L3MBTL4: variants seen among roughly 807,000 people sequenced by gnomAD.
L3MBTL4 encodes the protein L3MBTL histone methyl-lysine binding protein 4.
Under a neutral mutation model 84.5 loss-of-function variants are expected in L3MBTL4, and 70 were observed. That is an observed-to-expected ratio of 0.83 (90% confidence interval 0.68 to 1.01). L3MBTL4 has a LOEUF of 1.01. Among genes scored for constraint, L3MBTL4 ranks in the 50% least tolerant of loss-of-function variants. The pLI, the probability that L3MBTL4 is intolerant of heterozygous loss-of-function variation, is 0.00. For missense variants in L3MBTL4, 715 were observed against 754.8 expected (o/e 0.95, Z 0.62); for synonymous variants, 274 against 259.8 (o/e 1.05, Z -0.52).
chr18:6,237,832 C>G, intron 10 of L3MBTL4, 132 bp downstream of exon 10: 1 of 711,250 alleles, frequency 1.4e-6, no homozygotes, highest in South Asian at 1.7e-5. Flanking sequence ...TGGTGGTCAA[C>G]AGAATCTCAC....
chr18:6,002,732 C>G (rs1392219623), intron 16 of L3MBTL4, among the ~76,000 whole-genome samples: 1 of 151,674 alleles, frequency 6.6e-6, no homozygotes, highest in Non-Finnish European at 1.5e-5. Flanking sequence ...ATTGTCACAA[C>G]AAAAATTCAC....
chr18:6,281,074 G>C (rs1016119771), intron 4 of L3MBTL4, among the ~76,000 whole-genome samples: 5 of 152,152 alleles, frequency 3.3e-5, no homozygotes, highest in African/African-American at 1.2e-4. Context: ...AATAATCACT[G>C]CTGATATTTA....
intron 13 of L3MBTL4, among the ~76,000 whole-genome samples, chr18:6,163,660 C>T (rs1299917730): frequency 6.6e-6 from 1 of 152,092 alleles, no homozygotes; most frequent in African/African-American, 2.4e-5. Context: ...GCCAACAACA[C>T]ATGGAACTCA....
intron 16 of L3MBTL4, among the ~76,000 whole-genome samples, chr18:6,053,636 C>A (rs1037994028): frequency 3.3e-5 from 5 of 152,222 alleles, no homozygotes; most frequent in Non-Finnish European, 7.3e-5. Context: ...TTCAAAACAA[C>A]GAATGCAACT....
chr18:6,323,543 T>C (rs1205063096), intron 1 of L3MBTL4, among the ~76,000 whole-genome samples: 1 of 152,232 alleles, frequency 6.6e-6, no homozygotes, highest in Admixed American at 6.5e-5. Context: ...TGCTGCATTG[T>C]GACCTTGCCT....
intron 13 of L3MBTL4, among the ~76,000 whole-genome samples, chr18:6,163,582 T>C (rs2043475928): frequency 6.6e-6 from 1 of 152,180 alleles, no homozygotes; most frequent in African/African-American, 2.4e-5. Context: ...ACAAGTTGTC[T>C]TTCCCCCAAA....
intron 1 of L3MBTL4, among the ~76,000 whole-genome samples, chr18:6,382,480 G>A (rs1298008485): frequency 6.6e-6 from 1 of 152,116 alleles, no homozygotes; most frequent in Non-Finnish European, 1.5e-5. Flanking sequence ...TCTACCTTTG[G>A]TCTTTGATGT....
rs933275270 is a variant in L3MBTL4, at chr18:6,150,445, ACG to A, written c.1097-12151_1097-12150del. On this transcript the variant is annotated intron_variant, in intron 13 of 18. Coordinates refer to ENST00000317931, the MANE Select transcript of L3MBTL4 (RefSeq NM_001330559.2). ...AGAATACACACACACACACACACAC[ACG>A]CACATACACACACACAATTACACAA... 8.7e-4 allele frequency among the ~76,000 whole-genome samples: 132 copies of A among 152,044 alleles called. No individual in the cohort carries two copies. In the South Asian group the frequency reaches 0.013, roughly 15 times the overall value.
intron 1 of L3MBTL4, among the ~76,000 whole-genome samples, chr18:6,346,184 C>G (rs1351792707): frequency 1.4e-5 from 2 of 146,162 alleles, no homozygotes; most frequent in East Asian, 4.1e-4. Context: ...ACATAAAAAT[C>G]AATTCAAAAT....
intron 12 of L3MBTL4, among the ~76,000 whole-genome samples, chr18:6,185,231 C>G (rs2044666987): frequency 6.6e-6 from 1 of 152,160 alleles, no homozygotes; most frequent in African/African-American, 2.4e-5. Flanking sequence ...GAAGGCGGAG[C>G]CAGGGCCATA....
chr18:5,979,845 T>A (rs973266094), intron 16 of L3MBTL4, among the ~76,000 whole-genome samples: 5 of 152,182 alleles, frequency 3.3e-5, no homozygotes, highest in African/African-American at 1.2e-4. Flanking sequence ...TTGTCAGATT[T>A]ATCTCAAAAT....
At chr18:6,175,821 G>A (rs769386801) in intron 12 of L3MBTL4, among the ~76,000 whole-genome samples, 1 of 152,002 alleles carries the variant, frequency 6.6e-6, no homozygotes, top group African/African-American at 2.4e-5. Flanking sequence ...GTAATGTAGT[G>A]CAATTAGGCA....
chr18:6,003,181 A>T (rs1469354193), intron 16 of L3MBTL4, among the ~76,000 whole-genome samples: 2 of 143,940 alleles, frequency 1.4e-5, no homozygotes, highest in Non-Finnish European at 3.1e-5. Flanking sequence ...ATTTATAGAG[A>T]TACTATATAA....
intron 12 of L3MBTL4, among the ~76,000 whole-genome samples, chr18:6,172,164 G>A (rs899977169): frequency 3.3e-5 from 5 of 152,166 alleles, no homozygotes; most frequent in East Asian, 3.8e-4. Context: ...GTTGGTAAAC[G>A]AAAACTTTGT....
intron 1 of L3MBTL4, among the ~76,000 whole-genome samples, chr18:6,373,632 C>T (rs2054250486): frequency 6.6e-6 from 1 of 152,160 alleles, no homozygotes; most frequent in Non-Finnish European, 1.5e-5. Flanking sequence ...GCAAAGCAAA[C>T]TCTCAATTAA....
intron 16 of L3MBTL4, among the ~76,000 whole-genome samples, chr18:6,013,054 T>C (rs996659812): frequency 2.0e-5 from 3 of 152,156 alleles, no homozygotes; most frequent in Admixed American, 1.3e-4. Flanking sequence ...TGTGACCAAG[T>C]GGTTCCCTCA....
At chr18:6,090,273 T>C (rs2058397804) in intron 15 of L3MBTL4, among the ~76,000 whole-genome samples, 1 of 152,126 alleles carries the variant, frequency 6.6e-6, no homozygotes, top group Non-Finnish European at 1.5e-5. Flanking sequence ...TAGCAGTACA[T>C]ATATAAATCT....
At chr18:5,968,492 G>A (rs2052461753) in intron 17 of L3MBTL4, among the ~76,000 whole-genome samples, 1 of 151,998 alleles carries the variant, frequency 6.6e-6, no homozygotes, top group Admixed American at 6.6e-5. Context: ...GAGGCCAGGA[G>A]TTCGAGACTA....
chr18:6,215,587 T>C (rs976676468), intron 11 of L3MBTL4, among the ~76,000 whole-genome samples, 163 bp downstream of exon 11: 24 of 152,340 alleles, frequency 1.6e-4, no homozygotes, highest in Admixed American at 1.5e-3. Context: ...AGCAGATGAG[T>C]CACCTACTTT....
Sources: gnomAD v4.1 joint callset for allele counts (sites outside exome capture counted in the v4.1 genomes callset) on GRCh38, gnomAD v4.1.1 for gene constraint, MANE v1.5 for transcripts, NCBI Gene and HGNC (gene_info 2026-07-23, HGNC 2026-07-21) for gene names.